KCNB2: variants seen among roughly 807,000 people sequenced by gnomAD.
KCNB2 encodes the protein potassium voltage-gated channel subfamily B member 2.
In KCNB2, 15 loss-of-function variants were observed where a neutral mutation model predicts 61.5. The observed-to-expected ratio is 0.24, with a 90% CI of 0.16 to 0.38. The LOEUF is 0.38. Ranked by LOEUF, KCNB2 falls within the 10% of genes least tolerant of loss-of-function variation. KCNB2 has a pLI of 1.00. For missense variants in KCNB2, 828 were observed against 1,125.2 expected, an observed-to-expected ratio of 0.74 and a Z score of 3.78; for synonymous variants, 457 against 446.0, an observed-to-expected ratio of 1.02 and a Z score of -0.31.
At position 72,937,223 on chromosome 8, in the gene KCNB2, C is replaced by A. The variant is rs370327292; in HGVS notation, c.1868C>A (p.Pro623Gln). ...GAGACAGAGAGATCGCCGCTGCCGC[C>A]GCCCTCCGCCTCTCACTTGCAGATG... ...FTETERSPLP[P>Q]PSASHLQMKF... The change falls in exon 3 of 3, where the codon CCG becomes CAG. Residue 623 changes from proline to glutamine, a missense_variant. By Grantham distance (76) the Pro-to-Gln change is moderately conservative (BLOSUM62 -1). Transcript: ENST00000523207. 1.2e-6 allele frequency: 2 copies of A among 1,614,028 alleles called. No homozygotes were observed. Among genetic ancestry groups the A allele is most frequent in the Admixed American group, 3.3e-5 (2 of 60,022 alleles).
At chr8:72,712,735 C>A (rs1807346081) in intron 2 of KCNB2, among the ~76,000 whole-genome samples, 1 of 152,190 alleles carries the variant, frequency 6.6e-6, no homozygotes, top group African/African-American at 2.4e-5. Flanking sequence ...CCAGCATGAG[C>A]AACACAGAAG....
intron 2 of KCNB2, among the ~76,000 whole-genome samples, chr8:72,786,934 A>G (rs1808853794): frequency 6.6e-6 from 1 of 152,186 alleles, no homozygotes; most frequent in South Asian, 2.1e-4. Flanking sequence ...ATATAAATTC[A>G]CAAATGAAAG....
intron 1 of KCNB2, among the ~76,000 whole-genome samples, chr8:72,549,676 T>C (rs1806314829): frequency 2.6e-5 from 4 of 152,298 alleles, no homozygotes; most frequent in Non-Finnish European, 5.9e-5. Flanking sequence ...GGGAGAAAAG[T>C]GTTTGAATTG....
intron 2 of KCNB2, among the ~76,000 whole-genome samples, chr8:72,788,231 G>A (rs915493093): frequency 1.3e-5 from 2 of 152,120 alleles, no homozygotes; most frequent in Non-Finnish European, 2.9e-5. Context: ...AAACTGAGTG[G>A]TTTAAACAAC....
intron 2 of KCNB2, among the ~76,000 whole-genome samples, chr8:72,908,032 T>C (rs1319605441): frequency 4.6e-5 from 7 of 152,306 alleles, no homozygotes; most frequent in African/African-American, 1.4e-4. Flanking sequence ...TTTTGAATCA[T>C]ATTGTATGCA....
At chr8:72,789,823 T>C (rs1808908237) in intron 2 of KCNB2, among the ~76,000 whole-genome samples, 1 of 152,018 alleles carries the variant, frequency 6.6e-6, no homozygotes, top group South Asian at 2.1e-4. Flanking sequence ...AGTTCACCAC[T>C]ATAGTAGGCC....
intron 2 of KCNB2, among the ~76,000 whole-genome samples, chr8:72,839,457 G>C (rs1360578293): frequency 6.6e-6 from 1 of 152,076 alleles, no homozygotes; most frequent in East Asian, 1.9e-4. Flanking sequence ...TGAAAGCAGA[G>C]TCTAATAACG....
At chr8:72,734,166 G>A (rs1384234524) in intron 2 of KCNB2, among the ~76,000 whole-genome samples, 1 of 152,054 alleles carries the variant, frequency 6.6e-6, no homozygotes, top group African/African-American at 2.4e-5. Context: ...TCAGTGTAAC[G>A]GTATTTTATC....
At chr8:72,739,107 A>G (rs1195843700) in intron 2 of KCNB2, among the ~76,000 whole-genome samples, 2 of 152,052 alleles carry the variant, frequency 1.3e-5, no homozygotes, top group Non-Finnish European at 2.9e-5. Flanking sequence ...CCTATATCCT[A>G]TATGGTTTCA....
chr8:72,705,626 T>A (rs1454066055), intron 2 of KCNB2, among the ~76,000 whole-genome samples: 1 of 152,080 alleles, frequency 6.6e-6, no homozygotes, highest in East Asian at 1.9e-4. Context: ...AGTGTAGTGG[T>A]AGGGTAGCTC....
At chr8:72,830,981 T>G (rs1318307037) in intron 2 of KCNB2, among the ~76,000 whole-genome samples, 1 of 152,242 alleles carries the variant, frequency 6.6e-6, no homozygotes, top group Non-Finnish European at 1.5e-5. Flanking sequence ...GTTTGAATTT[T>G]GAGCAATTTC....
intron 2 of KCNB2, among the ~76,000 whole-genome samples, chr8:72,746,843 T>C (rs1213862089): frequency 3.9e-5 from 6 of 152,102 alleles, no homozygotes; most frequent in Admixed American, 3.9e-4. Flanking sequence ...AGACCAACCA[T>C]CCAGAAAACT....
At chr8:72,541,560 C>T (rs1806187684) in intron 1 of KCNB2, among the ~76,000 whole-genome samples, 1 of 152,050 alleles carries the variant, frequency 6.6e-6, no homozygotes, top group Non-Finnish European at 1.5e-5. Flanking sequence ...GCTTGCAGTT[C>T]CTAGATTTAT....
At chr8:72,738,732 G>A (rs1807893451) in intron 2 of KCNB2, among the ~76,000 whole-genome samples, 1 of 152,142 alleles carries the variant, frequency 6.6e-6, no homozygotes, top group Non-Finnish European at 1.5e-5. Flanking sequence ...GAGACTTGGT[G>A]GTTCTGGCAA....
intron 2 of KCNB2, among the ~76,000 whole-genome samples, chr8:72,803,728 G>A (rs117563691): frequency 0.012 from 1,881 of 152,310 alleles, 15 homozygotes; most frequent in South Asian, 0.037. Context: ...ATGCAATGCT[G>A]AGAGAAATGC....
At chr8:72,551,567 C>G (rs1806345340) in intron 1 of KCNB2, among the ~76,000 whole-genome samples, 1 of 152,160 alleles carries the variant, frequency 6.6e-6, no homozygotes, top group African/African-American at 2.4e-5. Flanking sequence ...TTCCCACTTT[C>G]ACCTAATACA....
rs545507892 is a variant in KCNB2 at position 72,624,542 on chromosome 8, A to G, written c.579+56229A>G. Among the ~76,000 whole-genome samples, 288 of 152,030 alleles carry G rather than the reference A, an allele frequency of 1.9e-3. 2 individuals are homozygous for G. The highest frequency in any genetic ancestry group is 3.6e-3 in the Non-Finnish European group (243 of 67,978). ...GAGATATGGGTTTTTTTTTTCATTG[A>G]ACAAGGAATGGAAAATATGCTAATT... is the stretch of plus-strand genomic sequence containing the variant. On this transcript the variant is annotated intron_variant, in intron 2 of 2. Coordinates refer to ENST00000523207, the MANE Select transcript of KCNB2 (RefSeq NM_004770.3).
rs781521472 is a variant in KCNB2, at chr8:72,936,702, C to A, written c.1347C>A (p.Ile449=). 4.3e-6 allele frequency: 7 copies of A among 1,614,010 alleles called. No homozygotes were observed. The South Asian group carries it at 7.7e-5, about 18-fold the overall frequency. ...AGCGGGCCAAAAGGAACGGAAGCATCGTTTCTATGAACTTAAAAGATGCCT... is the reference window on the plus strand; with the variant it reads ...AGCGGGCCAAAAGGAACGGAAGCATAGTTTCTATGAACTTAAAAGATGCCT... The part of the protein sequence containing the change: ...ALERAKRNGS[I]VSMNLKDAFA... The change falls in exon 3 of 3, where the codon ATC becomes ATA. Residue 449 remains isoleucine, a synonymous_variant. Transcript: ENST00000523207. This position sits in a 1 kb window ranked among gnomAD's most constrained non-coding sequence, Gnocchi z 5.6.
At chr8:72,561,735 CTATA>C (rs1806526774) in intron 1 of KCNB2, among the ~76,000 whole-genome samples, 1 of 22,128 alleles carries the variant, frequency 4.5e-5, no homozygotes, top group African/African-American at 2.2e-4. Flanking sequence ...ATATCTATAT[CTATA>C]TATATATGTA....
Sources: gnomAD v4.1 joint callset for allele counts (sites outside exome capture counted in the v4.1 genomes callset) on GRCh38, gnomAD v4.1.1 for gene constraint, Gnocchi (gnomAD v3.1) non-coding constraint, MANE v1.5 for transcripts, NCBI Gene and HGNC (gene_info 2026-07-23, HGNC 2026-07-21) for gene names.